SLC35F3: variants seen among roughly 807,000 people sequenced by gnomAD.
The protein encoded by SLC35F3 is solute carrier family 35 member F3.
SLC35F3 carries 25 observed loss-of-function variants against 49.9 expected under a neutral mutation model. The observed-to-expected ratio is 0.50, with a 90% confidence interval of 0.37 to 0.70. The LOEUF (loss-of-function observed/expected upper bound fraction) is 0.70. SLC35F3 is among the 30% of genes least tolerant of loss of function. SLC35F3 has a pLI of 0.00. For synonymous variants in SLC35F3, 275 were observed against 265.4 expected, an observed-to-expected ratio of 1.04 and a Z score of -0.35; for missense variants, 525 against 639.8, an observed-to-expected ratio of 0.82 and a Z score of 1.94.
intron 2 of SLC35F3, among the ~76,000 whole-genome samples, chr1:234,198,186 T>G (rs1331451386): frequency 2.0e-5 from 3 of 152,224 alleles, no homozygotes; most frequent in Non-Finnish European, 4.4e-5. Flanking sequence ...AGGTAAGAAA[T>G]GATTTCCTGT....
At chr1:234,109,725 A>G (rs572515067) in intron 2 of SLC35F3, among the ~76,000 whole-genome samples, 140 of 152,212 alleles carry the variant, frequency 9.2e-4, no homozygotes, top group African/African-American at 3.3e-3. Flanking sequence ...TGGTAGGGAG[A>G]GGGGGAGGAC....
intron 2 of SLC35F3, among the ~76,000 whole-genome samples, chr1:234,107,777 G>A (rs762294971): frequency 1.3e-5 from 2 of 152,222 alleles, no homozygotes; most frequent in Middle Eastern, 3.4e-3. Context: ...AAGACAGCTC[G>A]CAGAGGCCCT....
chr1:234,166,273 G>A (rs1666317383), intron 2 of SLC35F3, among the ~76,000 whole-genome samples: 1 of 152,044 alleles, frequency 6.6e-6, no homozygotes, highest in Non-Finnish European at 1.5e-5. Context: ...TCCCCCACCA[G>A]AGCGGTCCAT....
intron 3 of SLC35F3, among the ~76,000 whole-genome samples, chr1:234,264,707 T>C (rs1193418147): frequency 6.6e-6 from 1 of 152,064 alleles, no homozygotes. Flanking sequence ...GCACACACCA[T>C]CATGCCTGCT....
intron 2 of SLC35F3, among the ~76,000 whole-genome samples, chr1:234,047,700 C>A (rs1246551431): frequency 2.0e-5 from 2 of 99,984 alleles, no homozygotes; most frequent in African/African-American, 2.2e-4. Context: ...CACATACATA[C>A]ACACACACAC....
In SLC35F3 at chr1:234,264,046, T is replaced by A. The variant is rs1029841199; in HGVS notation, c.608+32305T>A. Among the ~76,000 whole-genome samples the A allele has an allele frequency of 3.9e-5, 6 of 152,090 alleles. 1 individual carries two copies. The South Asian group carries it at 1.2e-3, about 32-fold the overall frequency. On this transcript the variant is annotated intron_variant, in intron 3 of 7. Coordinates refer to ENST00000366618, the MANE Select transcript of SLC35F3 (RefSeq NM_173508.4). ...ATCACTTGAACCCAGGAGGCAGAGG[T>A]TGCAGTGAGCCAAGATCACACCACT...
intron 2 of SLC35F3, among the ~76,000 whole-genome samples, chr1:234,007,346 C>T (rs2102835632): frequency 6.6e-6 from 1 of 152,098 alleles, no homozygotes; most frequent in Non-Finnish European, 1.5e-5. Context: ...GAGAGTGAGC[C>T]CTGGAGCTCT....
At chr1:234,290,444 G>T (rs1668488293) in intron 3 of SLC35F3, among the ~76,000 whole-genome samples, 1 of 152,198 alleles carries the variant, frequency 6.6e-6, no homozygotes, top group Non-Finnish European at 1.5e-5. Flanking sequence ...CATATAAAAA[G>T]TATACTCCCA....
chr1:234,167,149 C>T (rs143314570), intron 2 of SLC35F3, among the ~76,000 whole-genome samples: 11 of 152,298 alleles, frequency 7.2e-5, no homozygotes, highest in East Asian at 1.9e-4. Context: ...CCTGTCTTTC[C>T]GGCTCAGACC....
At chr1:234,300,473 T>C (rs1558103468) in intron 3 of SLC35F3, among the ~76,000 whole-genome samples, 1 of 152,228 alleles carries the variant, frequency 6.6e-6, no homozygotes, top group African/African-American at 2.4e-5. Context: ...CTGTAAAAAA[T>C]TATTTGTAAA....
intron 2 of SLC35F3, among the ~76,000 whole-genome samples, chr1:234,201,689 G>T (rs1243996679): frequency 6.6e-6 from 1 of 152,170 alleles, no homozygotes; most frequent in Non-Finnish European, 1.5e-5. Flanking sequence ...GAGCTCTTCT[G>T]AGGACGGTCC....
chr1:234,265,134 A>C (rs912226448), intron 3 of SLC35F3, among the ~76,000 whole-genome samples: 3 of 152,112 alleles, frequency 2.0e-5, no homozygotes, highest in African/African-American at 7.2e-5. Flanking sequence ...CTCTTTCATG[A>C]ATTCCAAGAC....
chr1:233,904,880 C>A lies in SLC35F3; in HGVS notation c.-198C>A. ...TCACCGGGCTGAACCGCCGCGCCTGCATCGTGCCGCACGCCGCGGAGGCGC... is the reference window on the plus strand; with the variant it reads ...TCACCGGGCTGAACCGCCGCGCCTGAATCGTGCCGCACGCCGCGGAGGCGC... On this transcript the variant is annotated 5_prime_UTR_variant, in exon 1 of 8. Coordinates refer to ENST00000366618, the MANE Select transcript of SLC35F3 (RefSeq NM_173508.4). 1 of 376,754 alleles carries A rather than the reference C, an allele frequency of 2.7e-6. No individual in the cohort carries two copies. 23.3% of individuals were successfully genotyped at this position (376,754 alleles called of 1,614,324 possible). A position where few individuals can be genotyped will look rare whatever the true frequency, so the allele number is the denominator to read the frequency against.
At chr1:234,107,700 A>G (rs1215957780) in intron 2 of SLC35F3, among the ~76,000 whole-genome samples, 2 of 152,148 alleles carry the variant, frequency 1.3e-5, no homozygotes, top group Non-Finnish European at 2.9e-5. Context: ...CCATTTATCT[A>G]CATTCTCTGA....
chr1:234,268,758 G>A (rs996268086), intron 3 of SLC35F3: 7 of 152,154 alleles, frequency 4.6e-5, no homozygotes, highest in African/African-American at 7.2e-5. Context: ...CGTGCCACAC[G>A]ATGGAATATC....
intron 2 of SLC35F3, among the ~76,000 whole-genome samples, chr1:234,139,105 T>C (rs1465728530): frequency 6.6e-6 from 1 of 152,224 alleles, no homozygotes; most frequent in Non-Finnish European, 1.5e-5. Flanking sequence ...AAAGTGGCAC[T>C]GAGGTCAGAC....
chr1:234,106,230 A>C (rs2102884644), intron 2 of SLC35F3, among the ~76,000 whole-genome samples: 1 of 152,362 alleles, frequency 6.6e-6, no homozygotes, highest in South Asian at 2.1e-4. Context: ...TAGAGTGGTC[A>C]TGTGGCCCAG....
At chr1:234,026,548 T>C (rs1264774911) in intron 2 of SLC35F3, among the ~76,000 whole-genome samples, 4 of 152,160 alleles carry the variant, frequency 2.6e-5, no homozygotes, top group African/African-American at 9.7e-5. Flanking sequence ...TGGCAACTCT[T>C]AAACTAAACA....
chr1:233,943,738 A>G (rs1662467189), intron 2 of SLC35F3, among the ~76,000 whole-genome samples: 1 of 152,276 alleles, frequency 6.6e-6, no homozygotes, highest in Non-Finnish European at 1.5e-5. Context: ...GTGTAAAAAG[A>G]TAAACCTTGA....
Sources: gnomAD v4.1 joint callset for allele counts (sites outside exome capture counted in the v4.1 genomes callset) on GRCh38, gnomAD v4.1.1 for gene constraint, MANE v1.5 for transcripts, NCBI Gene and HGNC (gene_info 2026-07-23, HGNC 2026-07-21) for gene names.